TSNARE1: variants seen among roughly 807,000 people sequenced by gnomAD.
TSNARE1 encodes t-SNARE domain-containing protein 1.
A neutral mutation model predicts 62.0 loss-of-function variants in TSNARE1; 49 were observed. The ratio of observed to expected loss-of-function variants is 0.79; its 90% CI spans 0.63 to 1.00. TSNARE1 has a LOEUF of 1.00. Among genes scored for constraint, TSNARE1 ranks in the 50% least tolerant of loss-of-function variants. TSNARE1 has a pLI of 0.00. For missense variants in TSNARE1, 755 were observed against 700.1 expected (o/e 1.08, Z -0.88); for synonymous variants, 328 against 294.4 (o/e 1.11, Z -1.17).
chr8:142,309,227 C>T (rs1012251100), intron 9 of TSNARE1, among the ~76,000 whole-genome samples: 2 of 152,156 alleles, frequency 1.3e-5, no homozygotes, highest in Admixed American at 1.3e-4. Flanking sequence ...CTATGAAACA[C>T]AGTTTCTTCT....
chr8:142,387,326 GAAT>G (rs1365142639), intron 1 of TSNARE1, among the ~76,000 whole-genome samples: 3 of 151,902 alleles, frequency 2.0e-5, no homozygotes, highest in Admixed American at 2.0e-4. Context: ...AGTTTGAAAA[GAAT>G]AATAAAAAAT....
intron 13 of TSNARE1, among the ~76,000 whole-genome samples, chr8:142,221,948 C>G (rs1365209429): frequency 6.7e-6 from 1 of 150,350 alleles, no homozygotes; most frequent in Non-Finnish European, 1.5e-5. Context: ...CACTCACTCA[C>G]TCATCCACTC....
At chr8:142,362,498 GAAAGAGATT>G (rs1469013997) in intron 1 of TSNARE1, among the ~76,000 whole-genome samples, 1 of 152,190 alleles carries the variant, frequency 6.6e-6, no homozygotes, top group Non-Finnish European at 1.5e-5. Flanking sequence ...AGTCTGTAAG[GAAAGAGATT>G]TCCTCAGCTC....
At chr8:142,352,717 C>G (rs1834266492) in intron 2 of TSNARE1, among the ~76,000 whole-genome samples, 1 of 152,220 alleles carries the variant, frequency 6.6e-6, no homozygotes, top group South Asian at 2.1e-4. Flanking sequence ...TCAAAACCTG[C>G]ACAGCTCAGC....
chr8:142,372,114 T>C (rs1169608039), intron 1 of TSNARE1, among the ~76,000 whole-genome samples: 1 of 152,168 alleles, frequency 6.6e-6, no homozygotes, highest in East Asian at 1.9e-4. Context: ...GACATTAACC[T>C]TGAGAAGCCA....
At chr8:142,329,855 A>C (rs1830757471) in intron 6 of TSNARE1, among the ~76,000 whole-genome samples, 1 of 152,234 alleles carries the variant, frequency 6.6e-6, no homozygotes, top group Non-Finnish European at 1.5e-5. Flanking sequence ...AAAAAGGCTA[A>C]GAATAGAACT....
At chr8:142,273,846 C>A in intron 12 of TSNARE1, 15 of 985,378 alleles carry the variant, frequency 1.5e-5, no homozygotes, top group Non-Finnish European at 1.8e-5. Flanking sequence ...GGACCCTCTG[C>A]GGGCACAGCT....
At chr8:142,258,233 T>C (rs561250672) in intron 12 of TSNARE1, among the ~76,000 whole-genome samples, 14 of 152,186 alleles carry the variant, frequency 9.2e-5, no homozygotes, top group African/African-American at 3.1e-4. Context: ...TATACAGGAA[T>C]GCACACTGGT....
intron 10 of TSNARE1, among the ~76,000 whole-genome samples, chr8:142,294,914 G>C (rs1563848367): frequency 6.6e-6 from 1 of 152,198 alleles, no homozygotes; most frequent in Non-Finnish European, 1.5e-5. Flanking sequence ...CATCCAGACA[G>C]AGCCACTGGC....
intron 2 of TSNARE1, among the ~76,000 whole-genome samples, chr8:142,354,165 G>A (rs1415490533): frequency 7.9e-5 from 12 of 152,110 alleles, no homozygotes; most frequent in Admixed American, 2.0e-4. Context: ...GCGGCTCGAC[G>A]CTCTGAAACA....
chr8:142,396,765 A>G (rs530283201), intron 1 of TSNARE1, among the ~76,000 whole-genome samples: 1 of 152,288 alleles, frequency 6.6e-6, no homozygotes, highest in African/African-American at 2.4e-5. Flanking sequence ...TAAGTTTCCC[A>G]AGGCTGGGAA....
At chr8:142,284,628 G>A in intron 10 of TSNARE1, 143 bp from the exon 11 acceptor site, 1 of 683,246 alleles carries the variant, frequency 1.5e-6, no homozygotes, top group Non-Finnish European at 2.6e-6. Context: ...GGACCGGCTG[G>A]TCTGTCCACT....
intron 12 of TSNARE1, chr8:142,269,612 A>G: frequency 1.0e-6 from 1 of 985,272 alleles, no homozygotes; most frequent in South Asian, 4.7e-5. Context: ...TACAGGCATG[A>G]GCCACTGTGC....
intron 12 of TSNARE1, chr8:142,269,892 G>A: frequency 1.0e-6 from 1 of 985,458 alleles, no homozygotes; most frequent in South Asian, 4.7e-5. Context: ...ACAAGTTACT[G>A]ACACATTGCT....
chr8:142,261,314 A>G (rs1206078599), intron 12 of TSNARE1, among the ~76,000 whole-genome samples: 8 of 115,808 alleles, frequency 6.9e-5, no homozygotes, highest in African/African-American at 2.3e-4. Flanking sequence ...GAGAGGAAGG[A>G]GGGATGGAGG....
rs367710205 is a variant in TSNARE1 at position 142,284,403 on chromosome 8, G to A, written c.1363+10C>T. On this transcript the variant is annotated intron_variant, in intron 11 of 13. Transcript: ENST00000524325. ...GCAGCAGGTGGCCCGAGGCTGGGGC[G>A]GGTACCCACCAACAGCTTCTCCTTG... The A allele has an allele frequency of 4.7e-5, 76 of 1,611,364 alleles. No individual in the cohort carries two copies. Among genetic ancestry groups the A allele is most frequent in the East Asian group, 3.3e-4 (15 of 44,890 alleles).
At position 142,403,136 on chromosome 8, in the gene TSNARE1, C is replaced by A. The variant is rs1292804247; in HGVS notation, c.-72G>T. ...TCGGTGGCTCGCGGACCGCTCCGGG[C>A]GCTCACGGCGGGCGAGGCGGGCGGG... On this transcript the variant is annotated 5_prime_UTR_variant, in exon 1 of 14. Transcript: ENST00000524325. The A allele has an allele frequency of 6.7e-6, 1 of 148,852 alleles. No homozygotes were observed. The highest frequency in any genetic ancestry group is 6.7e-5 in the Admixed American group (1 of 14,972). The allele number at this position is 148,852 out of a possible 1,614,324, so 9.2% of individuals were successfully genotyped here. A position where few individuals can be genotyped will look rare whatever the true frequency, so the allele number is the denominator to read the frequency against.
At chr8:142,382,277 G>A (rs1277648847) in intron 1 of TSNARE1, among the ~76,000 whole-genome samples, 1 of 152,172 alleles carries the variant, frequency 6.6e-6, no homozygotes, top group East Asian at 1.9e-4. Context: ...GGCACCCCCA[G>A]GCACCTCGTA....
chr8:142,389,457 C>A (rs1288246158), intron 1 of TSNARE1, among the ~76,000 whole-genome samples: 3 of 152,194 alleles, frequency 2.0e-5, no homozygotes, highest in African/African-American at 7.2e-5. Flanking sequence ...ATTGACCCAG[C>A]ACTTGTTCTG....
Sources: gnomAD v4.1 joint callset for allele counts (sites outside exome capture counted in the v4.1 genomes callset) on GRCh38, gnomAD v4.1.1 for gene constraint, MANE v1.5 for transcripts, NCBI Gene and HGNC (gene_info 2026-07-23, HGNC 2026-07-21) for gene names.